PIK3R6: variants seen among roughly 807,000 people sequenced by gnomAD.
The protein encoded by PIK3R6 is phosphoinositide 3-kinase regulatory subunit 6.
In PIK3R6, 91 loss-of-function variants were observed where a neutral mutation model predicts 84.9. That is an observed-to-expected ratio of 1.07 (90% CI 0.90 to 1.28). The LOEUF (loss-of-function observed/expected upper bound fraction) is 1.28. Among genes scored for constraint, PIK3R6 ranks in the 50% most tolerant of loss-of-function variants. The pLI is 0.00. For synonymous variants in PIK3R6, 416 were observed against 411.4 expected, an observed-to-expected ratio of 1.01 and a Z score of -0.13; for missense variants, 996 against 985.1, an observed-to-expected ratio of 1.01 and a Z score of -0.15.
At chr17:8,817,726 T>C (rs1210022541) in intron 18 of PIK3R6, among the ~76,000 whole-genome samples, 1 of 152,202 alleles carries the variant, frequency 6.6e-6, no homozygotes, top group Non-Finnish European at 1.5e-5. Flanking sequence ...ACCACTGGTT[T>C]TGGCAACATG....
chr17:8,853,107 C>G (rs2089018816), intron 1 of PIK3R6, among the ~76,000 whole-genome samples: 1 of 151,916 alleles, frequency 6.6e-6, no homozygotes, highest in African/African-American at 2.4e-5. Context: ...AAATACTATG[C>G]AGTTATAAAA....
At chr17:8,833,179 C>T in intron 8 of PIK3R6, 134 bp from the exon 9 acceptor site, 1 of 1,276,274 alleles carries the variant, frequency 7.8e-7, no homozygotes, top group South Asian at 1.6e-5. Context: ...GCAGGAGCTT[C>T]CCCCGAAGGC....
In PIK3R6 at chr17:8,827,176, T is replaced by C. The variant is rs1488700508; in HGVS notation, c.1511A>G (p.Glu504Gly). The change falls in exon 13 of 20, where the codon GAG (glutamate) becomes GGG (glycine). Residue 504 changes from glutamate (E) to glycine (G), a missense_variant. By Grantham distance (98) the Glu-to-Gly change is moderately conservative. Transcript: ENST00000619866. ...GGTACCCTCACCCTCCCCTACCATC[T>C]CAGCCAGCTTGTGGATGGCGGGGCA... ...TLCPAIHKLA[E>G]MPPSLDTSRT... is the part of the protein sequence containing the mutation. 9.3e-6 allele frequency: 15 copies of C among 1,612,550 alleles called. No individual in the cohort carries two copies. The highest frequency in any genetic ancestry group is 1.3e-5 in the Non-Finnish European group (15 of 1,179,366).
intron 13 of PIK3R6, among the ~76,000 whole-genome samples, chr17:8,824,497 G>C (rs553208896): frequency 6.6e-6 from 1 of 152,328 alleles, no homozygotes; most frequent in South Asian, 2.1e-4. Context: ...CTGGTGTACT[G>C]AAATATTGTT....
chr17:8,829,214 G>T (rs4310910), intron 10 of PIK3R6, among the ~76,000 whole-genome samples: 1 of 150,438 alleles, frequency 6.6e-6, no homozygotes, highest in Admixed American at 6.6e-5. Flanking sequence ...CACACACACA[G>T]ACACACACAC....
intron 18 of PIK3R6, among the ~76,000 whole-genome samples, chr17:8,818,596 C>G (rs1024724257): frequency 1.3e-5 from 2 of 152,068 alleles, no homozygotes; most frequent in Admixed American, 1.3e-4. Flanking sequence ...TTGCAGTGAA[C>G]TAAGATTGCA....
At chr17:8,828,415 G>A (rs1303288439) in intron 11 of PIK3R6, among the ~76,000 whole-genome samples, 152 bp downstream of exon 11, 1 of 152,152 alleles carries the variant, frequency 6.6e-6, no homozygotes, top group East Asian at 1.9e-4. Flanking sequence ...CTCTGTGACG[G>A]CTGCGGGCAC....
In PIK3R6 at chr17:8,832,777, G is replaced by T. The variant is rs2088295465; in HGVS notation, c.802+112C>A. 4.6e-6 allele frequency: 7 copies of T among 1,521,070 alleles called. No homozygotes were observed. The Admixed American group carries it at 9.1e-5, about 20-fold the overall frequency. 94.2% of individuals were successfully genotyped at this position (1,521,070 alleles called of 1,614,324 possible). A position where few individuals can be genotyped will look rare whatever the true frequency, so the allele number is the denominator to read the frequency against. ...CCAGTCCCCAGGCTCCTGGGAGTCG[G>T]CCAGGCACCCAGACAGAGGCAGGTC... On this transcript the variant is annotated intron_variant, in intron 9 of 19. Coordinates refer to ENST00000619866, the MANE Select transcript of PIK3R6 (RefSeq NM_001010855.4).
At chr17:8,821,800 T>G in intron 17 of PIK3R6, 46 bp downstream of exon 17, 1 of 1,529,614 alleles carries the variant, frequency 6.5e-7, no homozygotes, top group Non-Finnish European at 8.9e-7. Context: ...GCATTGCCCT[T>G]CTCATCTCTT....
intron 9 of PIK3R6, among the ~76,000 whole-genome samples, chr17:8,830,405 A>G (rs985771305): frequency 9.2e-5 from 14 of 152,162 alleles, no homozygotes; most frequent in African/African-American, 3.4e-4. Flanking sequence ...CTCCGAGCAG[A>G]CTGTCTGCAC....
chr17:8,857,652 T>C (rs1303311338), intron 1 of PIK3R6, among the ~76,000 whole-genome samples: 1 of 152,066 alleles, frequency 6.6e-6, no homozygotes, highest in Non-Finnish European at 1.5e-5. Context: ...AAAGTAAAAT[T>C]CCCCTTTGGG....
rs759188865 is a variant in PIK3R6, at chr17:8,832,375, C to CTTTTTTTT, written c.802+506_802+513dup. Reference sequence around the variant, plus strand: ...TTATCATGACCAAATTACCCACCTTCTTTTTTTTTTTTTTTTTTTTTTTTT... The same window carrying CTTTTTTTT: ...TTATCATGACCAAATTACCCACCTTCTTTTTTTTTTTTTTTTTTTTTTTTTTTTTTTTT... On this transcript the variant is annotated intron_variant, in intron 9 of 19. Coordinates refer to ENST00000619866, the MANE Select transcript of PIK3R6 (RefSeq NM_001010855.4). Among the ~76,000 whole-genome samples, 282 of 77,822 alleles carry CTTTTTTTT rather than the reference C, an allele frequency of 3.6e-3. 5 individuals carry two copies. The highest frequency in any genetic ancestry group is 8.2e-3 in the African/African-American group (152 of 18,480). 51.1% of individuals were successfully genotyped at this position (77,822 alleles called of 152,430 possible). A position where few individuals can be genotyped will look rare whatever the true frequency, so the allele number is the denominator to read the frequency against.
intron 1 of PIK3R6, among the ~76,000 whole-genome samples, chr17:8,860,898 G>C (rs1459425531): frequency 1.4e-5 from 2 of 140,526 alleles, no homozygotes; most frequent in African/African-American, 5.4e-5. Context: ...GCTACCTATT[G>C]GGCTCTTGAA....
At chr17:8,822,448 C>A in intron 16 of PIK3R6, 139 bp downstream of exon 16, 1 of 952,790 alleles carries the variant, frequency 1.0e-6, no homozygotes, top group Non-Finnish European at 1.6e-6. Context: ...TCCCTGAAGG[C>A]TGGGGAACTC....
In PIK3R6 at chr17:8,821,939, G is replaced by A; in HGVS notation, c.1789-3C>T. ...CGGGGCCGGTGGCTAAGCAAGGCCT[G>A]AGGAGGGGGATCGAGGAACAGGTGG... On this transcript the variant is annotated splice_polypyrimidine_tract_variant and splice_region_variant and intron_variant, in intron 16 of 19. Coordinates refer to ENST00000619866, the MANE Select transcript of PIK3R6 (RefSeq NM_001010855.4). The A allele has an allele frequency of 6.4e-7, 1 of 1,573,590 alleles. No homozygotes were observed. Among genetic ancestry groups the A allele is most frequent in the Non-Finnish European group, 8.6e-7 (1 of 1,158,658 alleles).
At chr17:8,805,091 TG>T (rs2087163865) in intron 18 of PIK3R6, among the ~76,000 whole-genome samples, 1 of 151,962 alleles carries the variant, frequency 6.6e-6, no homozygotes, top group Non-Finnish European at 1.5e-5. Flanking sequence ...TTTTAGGGGA[TG>T]GGGGTAGGCC....
chr17:8,840,653 CAAATATATATG>C (rs2088647712), intron 2 of PIK3R6, among the ~76,000 whole-genome samples: 1 of 146,462 alleles, frequency 6.8e-6, no homozygotes, highest in African/African-American at 2.5e-5. Context: ...ATATATCCTC[CAAATATATATG>C]AAATATATAT....
intron 8 of PIK3R6, among the ~76,000 whole-genome samples, chr17:8,834,383 C>G (rs532835779): frequency 6.6e-5 from 10 of 151,930 alleles, no homozygotes; most frequent in African/African-American, 2.4e-4. Context: ...TCAAGGCCCT[C>G]AAGATGAGGT....
chr17:8,852,096 AG>A (rs749723675), intron 1 of PIK3R6, among the ~76,000 whole-genome samples: 42 of 152,238 alleles, frequency 2.8e-4, no homozygotes, highest in Non-Finnish European at 5.7e-4. Context: ...AGAGACAGCA[AG>A]TATGACAGAG....
Sources: gnomAD v4.1 joint callset for allele counts (sites outside exome capture counted in the v4.1 genomes callset) on GRCh38, gnomAD v4.1.1 for gene constraint, MANE v1.5 for transcripts, NCBI Gene and HGNC (gene_info 2026-07-23, HGNC 2026-07-21) for gene names.